The following NRXN3 variants were observed in gnomAD, a reference collection of about 807,000 sequenced individuals.
NRXN3 encodes the protein neurexin 3.
NRXN3 carries 32 observed loss-of-function variants against 137.6 expected under a neutral mutation model. The observed-to-expected ratio is 0.23, with a 90% CI of 0.18 to 0.31. NRXN3 has a LOEUF of 0.31. NRXN3 is among the 10% of genes least tolerant of loss of function. The pLI is 1.00. For synonymous variants in NRXN3, 798 were observed against 784.5 expected (o/e 1.02, Z -0.29); for missense variants, 1,574 against 2,062.5 (o/e 0.76, Z 4.59).
chr14:79,104,334 C>T (rs933529459), intron 15 of NRXN3, among the ~76,000 whole-genome samples: 7 of 152,008 alleles, frequency 4.6e-5, no homozygotes, highest in Non-Finnish European at 8.8e-5. Flanking sequence ...AATTCATAGA[C>T]GAATGGATGA....
intron 20 of NRXN3, among the ~76,000 whole-genome samples, chr14:79,822,380 T>C (rs1184304730): frequency 6.6e-6 from 1 of 152,202 alleles, no homozygotes; most frequent in African/African-American, 2.4e-5. Context: ...ATTTGGATAC[T>C]GTATCATGTT....
At chr14:78,841,262 T>A (rs1269268131) in intron 10 of NRXN3, among the ~76,000 whole-genome samples, 1 of 152,126 alleles carries the variant, frequency 6.6e-6, no homozygotes, top group Non-Finnish European at 1.5e-5. Flanking sequence ...TTGGCTTTGT[T>A]GGTATTTAGA....
intron 15 of NRXN3, among the ~76,000 whole-genome samples, chr14:79,359,902 T>G (rs1275945146): frequency 3.3e-5 from 5 of 152,224 alleles, no homozygotes; most frequent in African/African-American, 1.2e-4. Context: ...GAAAAGACTT[T>G]ATTTCTTTAT....
At chr14:78,879,030 G>C (rs1044881113) in intron 10 of NRXN3, among the ~76,000 whole-genome samples, 1 of 152,084 alleles carries the variant, frequency 6.6e-6, no homozygotes, top group African/African-American at 2.4e-5. Flanking sequence ...CAAATTAGGA[G>C]ATTTTTATCT....
chr14:78,686,882 TAAC>T (rs757490100), intron 6 of NRXN3, among the ~76,000 whole-genome samples: 1 of 152,118 alleles, frequency 6.6e-6, no homozygotes, highest in African/African-American at 2.4e-5. Flanking sequence ...CAGCAATGAA[TAAC>T]AACAATAGTA....
At chr14:78,282,367 T>G in intron 3 of NRXN3, 1 of 329,970 alleles carries the variant, frequency 3.0e-6, no homozygotes, top group Non-Finnish European at 6.1e-6. Flanking sequence ...GAGACCCTTC[T>G]TCTCCCCTCC....
chr14:79,378,218 A>G (rs1233122449), intron 15 of NRXN3, among the ~76,000 whole-genome samples: 1 of 152,052 alleles, frequency 6.6e-6, no homozygotes, highest in Non-Finnish European at 1.5e-5. Flanking sequence ...CATCCCAGAG[A>G]AGTGGCCGGG....
chr14:79,134,116 A>G (rs2057966429), intron 15 of NRXN3, among the ~76,000 whole-genome samples: 2 of 148,116 alleles, frequency 1.4e-5, no homozygotes, highest in East Asian at 3.9e-4. Context: ...AAACTGAAAT[A>G]TTGACCCCAT....
At chr14:79,332,156 A>G (rs544455664) in intron 15 of NRXN3, among the ~76,000 whole-genome samples, 50 of 152,310 alleles carry the variant, frequency 3.3e-4, no homozygotes, top group African/African-American at 1.1e-3. Context: ...GGAGACCTTA[A>G]TTCTATTAGG....
intron 15 of NRXN3, among the ~76,000 whole-genome samples, chr14:79,026,262 A>G (rs1398546785): frequency 6.6e-6 from 1 of 152,124 alleles, no homozygotes; most frequent in African/African-American, 2.4e-5. Flanking sequence ...GGAATACTGG[A>G]GTCAGATTCA....
chr14:79,039,853 G>T (rs923203049), intron 15 of NRXN3, among the ~76,000 whole-genome samples: 1 of 151,946 alleles, frequency 6.6e-6, no homozygotes, highest in Admixed American at 6.6e-5. Flanking sequence ...CACCATATCT[G>T]GCTAAATATA....
intron 16 of NRXN3, among the ~76,000 whole-genome samples, chr14:79,651,751 G>C (rs553447416): frequency 6.6e-6 from 1 of 152,136 alleles, no homozygotes; most frequent in African/African-American, 2.4e-5. Context: ...AGAGAAAACT[G>C]TCTTCTCCAG....
chr14:79,704,651 G>C (rs2098769346), intron 19 of NRXN3, among the ~76,000 whole-genome samples: 1 of 152,156 alleles, frequency 6.6e-6, no homozygotes, highest in Non-Finnish European at 1.5e-5. Context: ...CTCATAACTG[G>C]AGAAGGCGCT....
intron 1 of NRXN3, among the ~76,000 whole-genome samples, chr14:78,235,599 A>G (rs2066176086): frequency 6.6e-6 from 1 of 152,028 alleles, no homozygotes; most frequent in African/African-American, 2.4e-5. Flanking sequence ...TTTTAGTAAA[A>G]AAAAAAAAAA....
intron 8 of NRXN3, among the ~76,000 whole-genome samples, chr14:78,750,054 A>G (rs987318222): frequency 1.3e-5 from 2 of 152,194 alleles, no homozygotes; most frequent in Non-Finnish European, 2.9e-5. Flanking sequence ...AAACAGATGA[A>G]AGGGATTCCC....
chr14:79,563,090 A>G (rs1237584047), intron 16 of NRXN3, among the ~76,000 whole-genome samples: 1 of 152,186 alleles, frequency 6.6e-6, no homozygotes, highest in Non-Finnish European at 1.5e-5. Context: ...AGTCTCTCTG[A>G]AAAAGCCAAC....
At chr14:79,432,675 G>A (rs969622378) in intron 15 of NRXN3, among the ~76,000 whole-genome samples, 1 of 151,994 alleles carries the variant, frequency 6.6e-6, no homozygotes, top group Admixed American at 6.6e-5. Context: ...TCTATTTTCA[G>A]AAATAAGGTT....
At chr14:78,297,601 G>A (rs12588281) in intron 3 of NRXN3, among the ~76,000 whole-genome samples, 11,282 of 152,248 alleles carry the variant, frequency 0.074, 477 homozygotes, top group East Asian at 0.16. Flanking sequence ...AAGCTAGAAA[G>A]CCAGGCTTTC....
chr14:79,692,017 G>T (rs771618310), intron 17 of NRXN3, among the ~76,000 whole-genome samples, 156 bp from the exon 18 acceptor site: 1 of 151,846 alleles, frequency 6.6e-6, no homozygotes, highest in African/African-American at 2.4e-5. Flanking sequence ...TAAACCTATC[G>T]ACCAAGGGCA....
Sources: gnomAD v4.1 joint callset for allele counts (sites outside exome capture counted in the v4.1 genomes callset) on GRCh38, gnomAD v4.1.1 for gene constraint, MANE v1.5 for transcripts, NCBI Gene and HGNC (gene_info 2026-07-23, HGNC 2026-07-21) for gene names.